Variants in SLC66A1 observed in about 807,000 individuals in gnomAD.
The protein encoded by SLC66A1 is lysosomal amino acid transporter 1 homolog.
In SLC66A1, 23 loss-of-function variants were observed where a neutral mutation model predicts 33.0. The observed-to-expected ratio is 0.70, with a 90% confidence interval of 0.50 to 0.99. SLC66A1 has a LOEUF of 0.99. SLC66A1 is among the 50% of genes least tolerant of loss of function. The pLI, the probability that SLC66A1 is intolerant of heterozygous loss-of-function variation, is 0.00. For synonymous variants in SLC66A1, 164 were observed against 175.5 expected (o/e 0.93, Z 0.52); for missense variants, 335 against 383.6 (o/e 0.87, Z 1.06).
rs553757779 is a variant in SLC66A1 at position 19,328,851 on chromosome 1, C to T, written c.*208C>T. 7.1e-5 allele frequency: 43 copies of T among 604,042 alleles called. No homozygotes were observed. Among genetic ancestry groups the T allele is most frequent in the Non-Finnish European group, 1.2e-4 (40 of 342,720 alleles). The allele number at this position is 604,042 out of a possible 1,614,324, so 37.4% of individuals were successfully genotyped here. The stretch of plus-strand genomic sequence containing the variant: ...GGCTGGAGCGGAGACCCCAGGGCCT[C>T]TCAGGAGACAGTGAGGCTGCCCCTC... On this transcript the variant is annotated 3_prime_UTR_variant, in exon 8 of 8. Coordinates refer to ENST00000375153, the MANE Select transcript of SLC66A1 (RefSeq NM_001040125.2). The surrounding 1 kb of genome is among the most constrained non-coding windows in gnomAD (Gnocchi z 4.7).
intron 7 of SLC66A1, chr1:19,327,642 G>A (rs759382597): frequency 1.4e-6 from 1 of 708,172 alleles, no homozygotes; most frequent in Non-Finnish European, 2.6e-6. Context: ...ACAGCCATGA[G>A]TGCCCCAGAA....
At chr1:19,325,005 G>A (rs1466888679) in intron 3 of SLC66A1, among the ~76,000 whole-genome samples, 2 of 152,234 alleles carry the variant, frequency 1.3e-5, no homozygotes, top group Admixed American at 1.3e-4. Context: ...AGGTTTCGGG[G>A]TCTTCCACCT....
intron 1 of SLC66A1, chr1:19,313,215 A>G (rs924161526): frequency 1.8e-5 from 18 of 985,304 alleles, no homozygotes; most frequent in Non-Finnish European, 2.2e-5. Flanking sequence ...GGCATCGGGC[A>G]GGTCTGTTCC....
rs776482136 is a variant in SLC66A1 at position 19,327,309 on chromosome 1, T to A, written c.701T>A (p.Val234Glu). Residue 234 changes from valine (V) to glutamate (E), a missense_variant, in exon 7 of 8, where the codon GTG becomes GAG. By Grantham distance (121) the Val-to-Glu change is moderately radical. Coordinates refer to ENST00000375153, the MANE Select transcript of SLC66A1 (RefSeq NM_001040125.2). ...GGGAACACGCTGTATGGGCTGAGCG[T>A]GCTGCTCAAAAACCCCGAGGAGGGC... ...MLGNTLYGLS[V>E]LLKNPEEGQS... The A allele has an allele frequency of 1.9e-6, 3 of 1,613,538 alleles. No homozygotes were observed. The highest frequency in any genetic ancestry group is 2.5e-6 in the Non-Finnish European group (3 of 1,179,824).
In SLC66A1 at chr1:19,328,783, C is replaced by T. The variant is rs1196554998; in HGVS notation, c.*140C>T. On this transcript the variant is annotated 3_prime_UTR_variant, in exon 8 of 8. Transcript: ENST00000375153. The surrounding 1 kb of genome is among the most constrained non-coding windows in gnomAD (Gnocchi z 4.7). Reference sequence around the variant, plus strand: ...ATCCTCCGTGGACCGAACCGTCCCCCCAGGAACACACCTTCAGGTAGACCC... The same window carrying T: ...ATCCTCCGTGGACCGAACCGTCCCCTCAGGAACACACCTTCAGGTAGACCC... 9 of 894,056 alleles carry T rather than the reference C, an allele frequency of 1.0e-5. No homozygotes were observed. In the African/African-American group the frequency reaches 1.3e-4, roughly 13 times the overall value. 55.4% of individuals were successfully genotyped at this position (894,056 alleles called of 1,614,324 possible). A position where few individuals can be genotyped will look rare whatever the true frequency, so the allele number is the denominator to read the frequency against.
intron 3 of SLC66A1, among the ~76,000 whole-genome samples, chr1:19,325,026 G>A (rs1310763924): frequency 1.3e-5 from 2 of 152,220 alleles, no homozygotes; most frequent in Non-Finnish European, 2.9e-5. Flanking sequence ...CCAGGGTGCT[G>A]GAGTGCTGGC....
In SLC66A1 at chr1:19,319,605, G is replaced by GTTTTTTTTTTGTTTTTTTTTTTTTT. The variant is rs56769657; in HGVS notation, c.164+1774_164+1775insGTTTTTTTTTTTTTTTTTTTTTTTT. Among the ~76,000 whole-genome samples, 14 of 111,870 alleles carry GTTTTTTTTTTGTTTTTTTTTTTTTT rather than the reference G, an allele frequency of 1.3e-4. 2 individuals carry two copies. The highest frequency in any genetic ancestry group is 5.6e-4 in the African/African-American group (14 of 24,806). 73.4% of individuals were successfully genotyped at this position (111,870 alleles called of 152,430 possible). A position where few individuals can be genotyped will look rare whatever the true frequency, so the allele number is the denominator to read the frequency against. On this transcript the variant is annotated intron_variant, in intron 2 of 7. Transcript: ENST00000375153. ...GATTAATGTTGCTGTGCACATTCAT[G>GTTTTTTTTTTGTTTTTTTTTTTTTT]TTTTTTTTTTTTTTTTGCCTGGTGC... is the stretch of plus-strand genomic sequence containing the variant.
Position 19,326,260 on chromosome 1 carries a change from A to C in SLC66A1, c.398A>C (p.Asn133Thr). Residue 133 changes from asparagine (N) to threonine (T), a missense_variant, in exon 5 of 8, where the codon AAC becomes ACC. Transcript: ENST00000375153. ...TTGTGTGCAGTGTCTGCCCCCATCA[A>C]CTCCGTGCTGTTGTTCCTCATGGGG... The part of the protein sequence containing the change: ...TRPSLLSAPI[N>T]SVLLFLMGMA... 6.2e-7 allele frequency: 1 copy of C among 1,604,822 alleles called. No individual in the cohort carries two copies. Among genetic ancestry groups the C allele is most frequent in the Non-Finnish European group, 8.5e-7 (1 of 1,179,484 alleles).
intron 2 of SLC66A1, among the ~76,000 whole-genome samples, chr1:19,322,968 A>C (rs1223564803): frequency 6.6e-6 from 1 of 151,832 alleles, no homozygotes; most frequent in African/African-American, 2.4e-5. Flanking sequence ...TGCAGCCTCA[A>C]CCTCTTGGGC....
Position 19,317,604 on chromosome 1 carries a change from C to T in SLC66A1, c.-74C>T. 1.9e-6 allele frequency: 3 copies of T among 1,571,332 alleles called. No individual in the cohort carries two copies. Among genetic ancestry groups the T allele is most frequent in the Non-Finnish European group, 1.7e-6 (2 of 1,159,646 alleles). ...CTCCTCCCTTCCTCCCTGTAGAACC[C>T]TTGCTGGCCTCAGAACACCAGCGCC... On this transcript the variant is annotated 5_prime_UTR_variant, in exon 2 of 8. Transcript: ENST00000375153.
chr1:19,320,630 T>G (rs1000439086), intron 2 of SLC66A1, among the ~76,000 whole-genome samples: 2 of 151,878 alleles, frequency 1.3e-5, no homozygotes, highest in Non-Finnish European at 2.9e-5. Flanking sequence ...TTAGCCAGGA[T>G]GGTCTCGATT....
chr1:19,327,085 G>A (rs965171212), intron 6 of SLC66A1, 142 bp from the exon 7 acceptor site: 16 of 845,964 alleles, frequency 1.9e-5, no homozygotes, highest in Admixed American at 7.9e-5. Flanking sequence ...TCTGTGTGTC[G>A]GGCCCATATC....
chr1:19,331,200 C>T (rs763661540), downstream of SLC66A1, among the ~76,000 whole-genome samples: 4 of 152,104 alleles, frequency 2.6e-5, no homozygotes, highest in Admixed American at 6.6e-5. Context: ...TTAGTAGAGA[C>T]GGGGTTTCAC....
chr1:19,330,652 G>A (rs980060803), downstream of SLC66A1, among the ~76,000 whole-genome samples: 6 of 152,212 alleles, frequency 3.9e-5, no homozygotes, highest in East Asian at 1.9e-4. Flanking sequence ...CAGGTACAGA[G>A]GCCTGGAGGT....
chr1:19,329,296 C>CA lies in SLC66A1; in HGVS notation c.*654dup, dbSNP rs2093886054. 1 of 152,842 alleles carries CA rather than the reference C, an allele frequency of 6.5e-6. No homozygotes were observed. Among genetic ancestry groups the CA allele is most frequent in the Non-Finnish European group, 1.5e-5 (1 of 68,556 alleles). 9.5% of individuals were successfully genotyped at this position (152,842 alleles called of 1,614,324 possible). ...GATAACCGAGGAAACGGTACCTCCC[C>CA]ATGAGACCTGCTTCTGTTGCTCCTT... is the stretch of plus-strand genomic sequence containing the variant. On this transcript the variant is annotated 3_prime_UTR_variant, in exon 8 of 8. Coordinates refer to ENST00000375153, the MANE Select transcript of SLC66A1 (RefSeq NM_001040125.2).
intron 1 of SLC66A1, chr1:19,313,300 TTC>T (rs1448987234): frequency 1.2e-4 from 112 of 941,668 alleles, no homozygotes; most frequent in Admixed American, 1.3e-4. Flanking sequence ...TTCCTTCCTC[TTC>T]TCTCTCTTCC....
chr1:19,329,624 C>T (rs916228011), downstream of SLC66A1, among the ~76,000 whole-genome samples: 1 of 152,230 alleles, frequency 6.6e-6, no homozygotes, highest in Non-Finnish European at 1.5e-5. Flanking sequence ...CAGTGCCTAG[C>T]TTATCTCATC....
chr1:19,321,169 CTTTTTTT>C (rs71577887), intron 2 of SLC66A1, among the ~76,000 whole-genome samples: 1 of 82,102 alleles, frequency 1.2e-5, no homozygotes, highest in Non-Finnish European at 2.1e-5. Context: ...CTTATCTCTT[CTTTTTTT>C]TTTTTTTTTT....
chr1:19,314,496 A>G (rs1235743800), intron 1 of SLC66A1, among the ~76,000 whole-genome samples: 1 of 152,192 alleles, frequency 6.6e-6, no homozygotes, highest in African/African-American at 2.4e-5. Context: ...GAAAGGGGGA[A>G]ATGAGAGGGA....
Sources: gnomAD v4.1 joint callset for allele counts (sites outside exome capture counted in the v4.1 genomes callset) on GRCh38, gnomAD v4.1.1 for gene constraint, Gnocchi (gnomAD v3.1) non-coding constraint, MANE v1.5 for transcripts, NCBI Gene and HGNC (gene_info 2026-07-23, HGNC 2026-07-21) for gene names.